Variants in FBXO42 observed in about 807,000 individuals in gnomAD.
FBXO42 encodes F-box protein 42.
Under a neutral mutation model 71.7 loss-of-function variants are expected in FBXO42, and 12 were observed. The ratio of observed to expected loss-of-function variants is 0.17; its 90% confidence interval spans 0.11 to 0.27. The LOEUF (loss-of-function observed/expected upper bound fraction) is 0.27. Among genes scored for constraint, FBXO42 ranks in the 10% least tolerant of loss-of-function variants. The pLI is 1.00. For synonymous variants in FBXO42, 325 were observed against 327.5 expected (o/e 0.99, Z 0.08); for missense variants, 707 against 911.9 (o/e 0.78, Z 2.89).
Position 16,252,642 on chromosome 1 carries a change from A to C in FBXO42, c.922-238T>G, listed in dbSNP as rs1442477397. Among the ~76,000 whole-genome samples the C allele has an allele frequency of 6.6e-6, 1 of 152,234 alleles. No individual in the cohort carries two copies. Among genetic ancestry groups the C allele is most frequent in the African/African-American group, 2.4e-5 (1 of 41,458 alleles). On this transcript the variant is annotated intron_variant, in intron 8 of 9. Transcript: ENST00000375592. This position sits in a 1 kb window ranked among gnomAD's most constrained non-coding sequence, Gnocchi z 4.4. ...AATTGTGCTTGTGACCCATGAATCA[A>C]CTGAGTGGTTTTGACACTTGCCCAT...
chr1:16,314,186 G>A (rs2082341587), intron 2 of FBXO42, among the ~76,000 whole-genome samples: 2 of 152,114 alleles, frequency 1.3e-5, no homozygotes, highest in Admixed American at 1.3e-4. Context: ...TTGACCTCAG[G>A]TGACCCACCT....
intron 4 of FBXO42, among the ~76,000 whole-genome samples, chr1:16,288,394 C>G (rs1385121265): frequency 1.3e-5 from 2 of 151,606 alleles, no homozygotes; most frequent in Non-Finnish European, 2.9e-5. Flanking sequence ...CGCACCACTG[C>G]ACTCCAGCCT....
chr1:16,351,259 C>T (rs1290933747), intron 1 of FBXO42, among the ~76,000 whole-genome samples: 1 of 152,176 alleles, frequency 6.6e-6, no homozygotes, highest in African/African-American at 2.4e-5. Flanking sequence ...GGCTTCAAAC[C>T]GACTTCCCTA....
chr1:16,294,111 T>C (rs1319740029), intron 4 of FBXO42: 1 of 152,280 alleles, frequency 6.6e-6, no homozygotes, highest in Admixed American at 6.5e-5. Context: ...GAATACTTTA[T>C]ACTCAGTGGA....
chr1:16,257,509 C>G (rs1281410191), intron 4 of FBXO42, among the ~76,000 whole-genome samples: 1 of 152,194 alleles, frequency 6.6e-6, no homozygotes, highest in Non-Finnish European at 1.5e-5. Context: ...TTGGCTTATG[C>G]TGGAAAACTT....
chr1:16,298,119 G>T (rs2082151115), intron 3 of FBXO42, among the ~76,000 whole-genome samples: 1 of 150,866 alleles, frequency 6.6e-6, no homozygotes, highest in Non-Finnish European at 1.5e-5. Context: ...CCAGCTACTG[G>T]GGAGGCTGAG....
intron 4 of FBXO42, among the ~76,000 whole-genome samples, chr1:16,275,860 A>G (rs1472473149): frequency 1.3e-5 from 2 of 151,862 alleles, no homozygotes; most frequent in Non-Finnish European, 2.9e-5. Flanking sequence ...AAAATTAGCC[A>G]GGCGTGGTGG....
At position 16,305,780 on chromosome 1, in the gene FBXO42, C is replaced by T. The variant is rs370603166; in HGVS notation, c.367+23G>A. On this transcript the variant is annotated intron_variant, in intron 3 of 9. Transcript: ENST00000375592. ...AATATGACCACAGGCAGGGTGGAAT[C>T]TGCTTTCACAGTAAATACTTACTGT... The T allele has an allele frequency of 6.3e-6, 10 of 1,584,884 alleles. No individual in the cohort carries two copies. The East Asian group carries it at 1.6e-4, about 25-fold the overall frequency.
intron 1 of FBXO42, among the ~76,000 whole-genome samples, chr1:16,327,928 T>C (rs1016029280): frequency 2.6e-5 from 4 of 152,186 alleles, no homozygotes; most frequent in Admixed American, 2.6e-4. Flanking sequence ...CTCAAACTCC[T>C]GACCTCAAGT....
chr1:16,281,952 C>T (rs1262709258), intron 4 of FBXO42, among the ~76,000 whole-genome samples: 1 of 151,742 alleles, frequency 6.6e-6, no homozygotes, highest in Admixed American at 6.6e-5. Flanking sequence ...AAGTGATCCT[C>T]GACTCCCAAA....
At chr1:16,334,854 G>T (rs937099395) in intron 1 of FBXO42, among the ~76,000 whole-genome samples, 3 of 152,058 alleles carry the variant, frequency 2.0e-5, no homozygotes. Context: ...CTTAAACACT[G>T]AAATTCCTTA....
At chr1:16,301,670 C>CAAAA (rs1242029876) in intron 3 of FBXO42, among the ~76,000 whole-genome samples, 6 of 67,392 alleles carry the variant, frequency 8.9e-5, no homozygotes, top group Admixed American at 3.6e-4. Flanking sequence ...GACCCCATCT[C>CAAAA]AAAAAAAAAA....
intron 2 of FBXO42, among the ~76,000 whole-genome samples, chr1:16,307,539 G>A (rs992521591): frequency 2.6e-5 from 4 of 151,302 alleles, no homozygotes; most frequent in East Asian, 3.9e-4. Context: ...AAAAAAAGAC[G>A]AACATATAAC....
chr1:16,300,666 G>A (rs1274580164), intron 3 of FBXO42, among the ~76,000 whole-genome samples: 1 of 152,120 alleles, frequency 6.6e-6, no homozygotes. Flanking sequence ...CTATGAAGAA[G>A]CAAGGGCGGT....
At chr1:16,301,361 G>A (rs1465526957) in intron 3 of FBXO42, among the ~76,000 whole-genome samples, 3 of 152,030 alleles carry the variant, frequency 2.0e-5, no homozygotes, top group Non-Finnish European at 2.9e-5. Flanking sequence ...TGAACAAGGT[G>A]TTGTGAAACA....
At chr1:16,309,170 C>G (rs535986361) in intron 2 of FBXO42, among the ~76,000 whole-genome samples, 2 of 144,008 alleles carry the variant, frequency 1.4e-5, no homozygotes, top group African/African-American at 2.6e-5. Context: ...CAGATTCAAG[C>G]GATTCTCCTG....
intron 2 of FBXO42, among the ~76,000 whole-genome samples, chr1:16,308,833 T>C (rs2082282895): frequency 2.3e-5 from 3 of 131,584 alleles, no homozygotes; most frequent in African/African-American, 8.6e-5. Context: ...AACCTCCACC[T>C]CCCAGGTTCA....
At chr1:16,285,639 CTTT>C (rs1233937148) in intron 4 of FBXO42, among the ~76,000 whole-genome samples, 1 of 152,152 alleles carries the variant, frequency 6.6e-6, no homozygotes, top group Non-Finnish European at 1.5e-5. Context: ...CACAAGCTTT[CTTT>C]ACTAAATTTA....
At chr1:16,313,493 T>A (rs193005861) in intron 2 of FBXO42, among the ~76,000 whole-genome samples, 1 of 152,270 alleles carries the variant, frequency 6.6e-6, no homozygotes, top group East Asian at 1.9e-4. Flanking sequence ...AGTGAAACCA[T>A]GTATTTCCAC....
Sources: gnomAD v4.1 joint callset for allele counts (sites outside exome capture counted in the v4.1 genomes callset) on GRCh38, gnomAD v4.1.1 for gene constraint, Gnocchi (gnomAD v3.1) non-coding constraint, MANE v1.5 for transcripts, NCBI Gene and HGNC (gene_info 2026-07-23, HGNC 2026-07-21) for gene names.